Variants in INSR observed in about 807,000 individuals in gnomAD.
INSR encodes the protein IR.
A neutral mutation model predicts 142.6 loss-of-function variants in INSR; 67 were observed. That is an observed-to-expected ratio of 0.47 (90% confidence interval 0.39 to 0.58). INSR has a LOEUF of 0.58. Among genes scored for constraint, INSR ranks in the 20% least tolerant of loss-of-function variants. The pLI, the probability that INSR is intolerant of heterozygous loss-of-function variation, is 0.00. For missense variants in INSR, 1,248 were observed against 1,833.2 expected (o/e 0.68, Z 5.83); for synonymous variants, 756 against 743.1 (o/e 1.02, Z -0.28).
rs1421341640 is a variant in INSR at position 7,150,988 on chromosome 19, T to C, written c.2232-456A>G. On this transcript the variant is annotated intron_variant, in intron 10 of 21. Transcript: ENST00000302850. This position sits in a 1 kb window ranked among gnomAD's most constrained non-coding sequence, Gnocchi z 4.2. ...TCCTCTTTTACTTTCTTTCTCTCTT[T>C]TTCCCTCTTTCCTTCCTTCATTTGC... is the stretch of plus-strand genomic sequence containing the variant. Among the ~76,000 whole-genome samples, 1 of 151,180 alleles carries C rather than the reference T, an allele frequency of 6.6e-6. No individual in the cohort carries two copies. Among genetic ancestry groups the C allele is most frequent in the East Asian group, 1.9e-4 (1 of 5,172 alleles).
chr19:7,181,823 C>T (rs1367843023), intron 3 of INSR, among the ~76,000 whole-genome samples: 5 of 151,550 alleles, frequency 3.3e-5, no homozygotes, highest in Non-Finnish European at 1.5e-5. Context: ...TCAGATGATC[C>T]GTCCACTTCG....
rs1184542863 is a variant in INSR at position 7,159,241 on chromosome 19, T to A, written c.2029+3791A>T. Among the ~76,000 whole-genome samples, 1 of 152,106 alleles carries A rather than the reference T, an allele frequency of 6.6e-6. No individual in the cohort carries two copies. The highest frequency in any genetic ancestry group is 2.4e-5 in the African/African-American group (1 of 41,422). On this transcript the variant is annotated intron_variant, in intron 9 of 21. Transcript: ENST00000302850. The surrounding 1 kb of genome is among the most constrained non-coding windows in gnomAD (Gnocchi z 4.3). The stretch of plus-strand genomic sequence containing the variant: ...TTTTAAGTGTGCAGTTCTGTGGTAT[T>A]AAGTGCATTCACAATGTTGTGCAAT...
At chr19:7,290,366 A>G (rs988382207) in intron 1 of INSR, among the ~76,000 whole-genome samples, 1 of 152,092 alleles carries the variant, frequency 6.6e-6, no homozygotes, top group Non-Finnish European at 1.5e-5. Flanking sequence ...TCATTGCCCA[A>G]CTGCACTCCA....
At chr19:7,205,926 A>C (rs12609995) in intron 2 of INSR, among the ~76,000 whole-genome samples, 117,930 of 152,060 alleles carry the variant, frequency 0.78, 45,994 homozygotes, top group African/African-American at 0.85. Flanking sequence ...CAGCTTCAAT[A>C]GCCAGCACGT....
At chr19:7,230,747 G>A (rs887954252) in intron 2 of INSR, among the ~76,000 whole-genome samples, 1 of 148,626 alleles carries the variant, frequency 6.7e-6, no homozygotes, top group Admixed American at 6.8e-5. Flanking sequence ...GGCGGAGATT[G>A]CAGTGGACTG....
intron 9 of INSR, among the ~76,000 whole-genome samples, chr19:7,154,106 A>T (rs1030975245): frequency 6.6e-6 from 1 of 151,896 alleles, no homozygotes; most frequent in Non-Finnish European, 1.5e-5. Flanking sequence ...GGTTGCAGTG[A>T]GCTGAGATGG....
At chr19:7,167,498 C>T (rs1973914022) in intron 7 of INSR, among the ~76,000 whole-genome samples, 1 of 151,714 alleles carries the variant, frequency 6.6e-6, no homozygotes, top group Admixed American at 6.6e-5. Flanking sequence ...ACTGCTTGAA[C>T]CCGGGAGGCA....
At position 7,217,570 on chromosome 19, in the gene INSR, C is replaced by A. The variant is rs140841011; in HGVS notation, c.653-32933G>T. ...CGAGTGATATCTTTTTTCTTTTTTT[C>A]TTTTTTGAGACGGAGTCTCGCTCTG... On this transcript the variant is annotated intron_variant, in intron 2 of 21. Coordinates refer to ENST00000302850, the MANE Select transcript of INSR (RefSeq NM_000208.4). Among the ~76,000 whole-genome samples the A allele has an allele frequency of 4.6e-4, 70 of 151,850 alleles. No homozygotes were observed. In the East Asian group the frequency reaches 0.013, roughly 29 times the overall value.
intron 2 of INSR, among the ~76,000 whole-genome samples, chr19:7,227,516 G>A (rs80175267): frequency 0.017 from 2,657 of 152,144 alleles, 84 homozygotes; most frequent in African/African-American, 0.06. Context: ...CAAGCGATCC[G>A]CTTGCCTCAG....
chr19:7,237,245 G>A (rs183893295), intron 2 of INSR, among the ~76,000 whole-genome samples: 5 of 151,724 alleles, frequency 3.3e-5, no homozygotes, highest in African/African-American at 7.2e-5. Flanking sequence ...CAGGCCAGAC[G>A]CGGTGGCTCA....
rs756988525 is a variant in INSR at position 7,117,073 on chromosome 19, G to C, written c.4132C>G (p.Arg1378Gly). The C allele has an allele frequency of 1.9e-6, 3 of 1,613,922 alleles. No individual in the cohort carries two copies. The highest frequency in any genetic ancestry group is 1.3e-5 in the African/African-American group (1 of 74,990). ...AGGCACTGTTAGGAAGGATTGGACC[G>C]AGGCAAGGTCAGAATCCGCCCGTTT... ...KKNGRILTLP[R>G]SNPS Residue 1378 changes from arginine to glycine, a missense_variant, in exon 22 of 22, where the codon CGG becomes GGG. Transcript: ENST00000302850.
At position 7,247,293 on chromosome 19, in the gene INSR, A is replaced by C. The variant is rs141441640; in HGVS notation, c.652+20052T>G. On this transcript the variant is annotated intron_variant, in intron 2 of 21. Coordinates refer to ENST00000302850, the MANE Select transcript of INSR (RefSeq NM_000208.4). The stretch of plus-strand genomic sequence containing the variant: ...TTTTACTCCACTTAAGCTGCAATGC[A>C]CTGTTCTCTGTTCCCAGAGAGGAGA... 7.6e-3 allele frequency among the ~76,000 whole-genome samples: 1,150 copies of C among 152,264 alleles called. 15 individuals carry two copies. The highest frequency in any genetic ancestry group is 0.025 in the African/African-American group (1,020 of 41,538).
At chr19:7,274,093 C>G (rs984160027) in intron 1 of INSR, among the ~76,000 whole-genome samples, 12 of 152,026 alleles carry the variant, frequency 7.9e-5, no homozygotes, top group Middle Eastern at 3.4e-3. Context: ...CTTTTTGGCA[C>G]CAGGGACCAA....
Position 7,116,805 on chromosome 19 carries a change from CG to C in INSR, c.*250del, listed in dbSNP as rs1289151926. The stretch of plus-strand genomic sequence containing the variant: ...AAAACACAAAATCCTGGTTTGAAAC[CG>C]TCGTTGCCCCAAAGGAGCAGCAACT... On this transcript the variant is annotated 3_prime_UTR_variant, in exon 22 of 22. Coordinates refer to ENST00000302850, the MANE Select transcript of INSR (RefSeq NM_000208.4). 8.0e-6 allele frequency: 3 copies of C among 377,074 alleles called. No homozygotes were observed. The highest frequency in any genetic ancestry group is 6.3e-5 in the African/African-American group (3 of 47,916). 23.4% of individuals were successfully genotyped at this position (377,074 alleles called of 1,614,324 possible).
At chr19:7,195,464 G>A (rs1974718722) in intron 2 of INSR, among the ~76,000 whole-genome samples, 2 of 151,954 alleles carry the variant, frequency 1.3e-5, no homozygotes, top group Middle Eastern at 3.2e-3. Flanking sequence ...CCAACATGGT[G>A]AAACCCTTTC....
At chr19:7,127,807 G>A (rs985973186) in intron 15 of INSR, among the ~76,000 whole-genome samples, 20 of 152,160 alleles carry the variant, frequency 1.3e-4, no homozygotes, top group African/African-American at 4.6e-4. Context: ...GCAATGGTGC[G>A]ATCTCGGCTC....
chr19:7,219,262 T>A (rs1975526091), intron 2 of INSR, among the ~76,000 whole-genome samples: 1 of 152,036 alleles, frequency 6.6e-6, no homozygotes, highest in Non-Finnish European at 1.5e-5. Flanking sequence ...ACCACAACCT[T>A]TCCAACCTCC....
In INSR at chr19:7,191,858, A is replaced by G. The variant is rs999397974; in HGVS notation, c.653-7221T>C. Among the ~76,000 whole-genome samples, 27 of 144,020 alleles carry G rather than the reference A, an allele frequency of 1.9e-4. No individual in the cohort carries two copies. The Admixed American group carries it at 1.9e-3, about 10-fold the overall frequency. The allele number at this position is 144,020 out of a possible 152,430, so 94.5% of individuals were successfully genotyped here. On this transcript the variant is annotated intron_variant, in intron 2 of 21. Coordinates refer to ENST00000302850, the MANE Select transcript of INSR (RefSeq NM_000208.4). ...AAGAAGAGAGAGAGAAAAGAAAGAG[A>G]GAGTGAAAGAAGGAGGGAAGGAAGG... is the stretch of plus-strand genomic sequence containing the variant.
chr19:7,250,480 A>T (rs558912664), intron 2 of INSR, among the ~76,000 whole-genome samples: 1 of 139,044 alleles, frequency 7.2e-6, no homozygotes, highest in Non-Finnish European at 1.6e-5. Flanking sequence ...GAAAGAAAAG[A>T]AAGAGAAGGA....
Sources: allele counts gnomAD v4.1 joint callset (sites outside exome capture counted in the v4.1 genomes callset), GRCh38; gene constraint gnomAD v4.1.1; non-coding constraint Gnocchi (gnomAD v3.1); transcripts MANE v1.5; gene names NCBI Gene and HGNC (gene_info 2026-07-23, HGNC 2026-07-21).